The following TRPC4 variants were observed in gnomAD, a reference collection of about 807,000 sequenced individuals.
TRPC4 encodes the protein transient receptor potential cation channel subfamily C member 4, also known as short transient receptor potential channel 4.
TRPC4 carries 49 observed loss-of-function variants against 99.4 expected under a neutral mutation model. The observed-to-expected ratio is 0.49, with a 90% confidence interval of 0.39 to 0.63. The LOEUF (loss-of-function observed/expected upper bound fraction) is 0.63. Ranked by LOEUF, TRPC4 falls within the 20% of genes least tolerant of loss-of-function variation. TRPC4 has a pLI of 0.00. For missense variants in TRPC4, 898 were observed against 1,152.9 expected (o/e 0.78, Z 3.20); for synonymous variants, 454 against 425.9 (o/e 1.07, Z -0.81).
At chr13:37,776,660 A>C (rs4943534) in intron 2 of TRPC4, among the ~76,000 whole-genome samples, 36,779 of 151,842 alleles carry the variant, frequency 0.24, 5,182 homozygotes, top group East Asian at 0.65. Flanking sequence ...TGGCTCTATG[A>C]GTTAGTTTAT....
At chr13:37,668,532 A>G (rs572519401) in intron 5 of TRPC4, among the ~76,000 whole-genome samples, 17 of 152,328 alleles carry the variant, frequency 1.1e-4, no homozygotes, top group African/African-American at 3.6e-4. Context: ...ATTTGGGAAC[A>G]GTGAGATGAG....
Position 37,805,054 on chromosome 13 carries a change from A to G in TRPC4, c.-27-21694T>C, listed in dbSNP as rs567148875. On this transcript the variant is annotated intron_variant, in intron 1 of 10. Coordinates refer to ENST00000379705, the MANE Select transcript of TRPC4 (RefSeq NM_016179.4). ...ATAAATATGTCATAAATCGGTGATA[A>G]AATTTCAGATGTGGAAGGTAACACA... 1.7e-4 allele frequency among the ~76,000 whole-genome samples: 26 copies of G among 152,132 alleles called. No individual in the cohort carries two copies. In the South Asian group the frequency reaches 5.4e-3, roughly 32 times the overall value.
intron 3 of TRPC4, among the ~76,000 whole-genome samples, chr13:37,713,711 C>T (rs1412756290): frequency 6.6e-6 from 1 of 152,176 alleles, no homozygotes. Flanking sequence ...GGACTCCCAC[C>T]TCCCTCAAAA....
chr13:37,645,015 C>T (rs2138570777), intron 8 of TRPC4, among the ~76,000 whole-genome samples: 1 of 150,562 alleles, frequency 6.6e-6, no homozygotes, highest in South Asian at 2.1e-4. Context: ...TCTTCCTTAA[C>T]TGAGTGTCTA....
intron 8 of TRPC4, among the ~76,000 whole-genome samples, chr13:37,642,685 C>A (rs1951752845): frequency 6.6e-6 from 1 of 151,244 alleles, no homozygotes; most frequent in Non-Finnish European, 1.5e-5. Flanking sequence ...TGGTGCCAGG[C>A]AGATTGAAGA....
rs13378266 is a variant in TRPC4, at chr13:37,865,485, A to C, written c.-28+4110T>G. On this transcript the variant is annotated intron_variant, in intron 1 of 10. Coordinates refer to ENST00000379705, the MANE Select transcript of TRPC4 (RefSeq NM_016179.4). ...TTTACATGTATTAGATTTATATTTA[A>C]GAATAAGAAAGGAAGTCATTTTGAG... 4.9e-3 allele frequency among the ~76,000 whole-genome samples: 744 copies of C among 151,754 alleles called. 6 individuals are homozygous for C. The highest frequency in any genetic ancestry group is 0.017 in the African/African-American group (700 of 41,542).
intron 3 of TRPC4, among the ~76,000 whole-genome samples, chr13:37,734,833 T>G (rs984345540): frequency 6.6e-6 from 1 of 152,080 alleles, no homozygotes; most frequent in African/African-American, 2.4e-5. Context: ...TGTAGAATTT[T>G]TTTTTCCAGC....
intron 1 of TRPC4, among the ~76,000 whole-genome samples, chr13:37,842,734 G>C (rs772402219): frequency 6.6e-6 from 1 of 152,220 alleles, no homozygotes; most frequent in African/African-American, 2.4e-5. Flanking sequence ...CTTTCCAAAG[G>C]CCTCACCTCC....
chr13:37,736,895 ATTTT>A (rs34176145), intron 3 of TRPC4, among the ~76,000 whole-genome samples: 2 of 127,744 alleles, frequency 1.6e-5, no homozygotes, highest in Non-Finnish European at 1.6e-5. Flanking sequence ...TGCCTGGCTA[ATTTT>A]TTTTTTTTTT....
intron 4 of TRPC4, among the ~76,000 whole-genome samples, chr13:37,676,302 C>T: frequency 6.8e-6 from 1 of 147,852 alleles, no homozygotes. Flanking sequence ...AGACATTTTG[C>T]ATACAAAGGA....
intron 1 of TRPC4, among the ~76,000 whole-genome samples, chr13:37,811,264 GA>G (rs550776741): frequency 1.2e-3 from 177 of 152,190 alleles, no homozygotes; most frequent in African/African-American, 4.1e-3. Context: ...GTAGAACTAT[GA>G]TTCCAGCCAA....
intron 2 of TRPC4, among the ~76,000 whole-genome samples, chr13:37,767,637 T>G (rs138022625): frequency 9.4e-4 from 143 of 151,488 alleles, no homozygotes; most frequent in African/African-American, 3.4e-3. Flanking sequence ...AATCTTGGTT[T>G]CATTCTGGAA....
chr13:37,836,768 C>T (rs976800718), intron 1 of TRPC4, among the ~76,000 whole-genome samples: 16 of 152,206 alleles, frequency 1.1e-4, no homozygotes, highest in African/African-American at 3.9e-4. Context: ...GGAATTCAAG[C>T]TGGCTACAGA....
At chr13:37,837,145 C>A (rs1269155906) in intron 1 of TRPC4, among the ~76,000 whole-genome samples, 1 of 152,230 alleles carries the variant, frequency 6.6e-6, no homozygotes, top group Non-Finnish European at 1.5e-5. Flanking sequence ...TGTATAGAAA[C>A]ACCCAGATGC....
chr13:37,810,784 T>C (rs1957661636), intron 1 of TRPC4, among the ~76,000 whole-genome samples: 1 of 152,108 alleles, frequency 6.6e-6, no homozygotes, highest in South Asian at 2.1e-4. Flanking sequence ...AATTAATTCC[T>C]ATTTCTTATA....
At chr13:37,689,161 T>G (rs368523629) in intron 4 of TRPC4, among the ~76,000 whole-genome samples, 4 of 152,312 alleles carry the variant, frequency 2.6e-5, no homozygotes, top group South Asian at 4.1e-4. Context: ...GACAGGATGA[T>G]AGGATACAGG....
chr13:37,726,874 G>C (rs900117395), intron 3 of TRPC4, among the ~76,000 whole-genome samples: 1 of 151,978 alleles, frequency 6.6e-6, no homozygotes, highest in African/African-American at 2.4e-5. Context: ...TTAATAAAAG[G>C]TTTATTACAA....
intron 5 of TRPC4, among the ~76,000 whole-genome samples, chr13:37,670,630 C>T (rs1467393913): frequency 6.6e-6 from 1 of 152,220 alleles, no homozygotes; most frequent in East Asian, 1.9e-4. Flanking sequence ...AATCTTCTAT[C>T]ATCTTCTCCT....
intron 3 of TRPC4, among the ~76,000 whole-genome samples, chr13:37,696,483 A>G (rs949310595): frequency 5.3e-5 from 8 of 152,328 alleles, no homozygotes; most frequent in Non-Finnish European, 1.0e-4. Flanking sequence ...TTATTTTTCT[A>G]GTTTGAAAAA....
Sources: gnomAD v4.1 joint callset for allele counts (sites outside exome capture counted in the v4.1 genomes callset) on GRCh38, gnomAD v4.1.1 for gene constraint, MANE v1.5 for transcripts, NCBI Gene and HGNC (gene_info 2026-07-23, HGNC 2026-07-21) for gene names.